CACNA2D4: variants seen among roughly 807,000 people sequenced by gnomAD.
The protein encoded by CACNA2D4 is voltage-dependent calcium channel subunit alpha-2/delta-4.
CACNA2D4 carries 157 observed loss-of-function variants against 163.8 expected under a neutral mutation model. The observed-to-expected ratio is 0.96, with a 90% confidence interval of 0.84 to 1.09. CACNA2D4 has a LOEUF of 1.09. Among genes scored for constraint, CACNA2D4 ranks in the 50% least tolerant of loss-of-function variants. CACNA2D4 has a pLI of 0.00. For missense variants in CACNA2D4, 1,410 were observed against 1,479.9 expected (o/e 0.95, Z 0.78); for synonymous variants, 598 against 586.9 (o/e 1.02, Z -0.27).
chr12:1,799,845 G>T lies in CACNA2D4; in HGVS notation c.2975-150C>A. On this transcript the variant is annotated intron_variant, in intron 33 of 37. Coordinates refer to ENST00000382722, the MANE Select transcript of CACNA2D4 (RefSeq NM_172364.5). This position sits in a 1 kb window ranked among gnomAD's most constrained non-coding sequence, Gnocchi z 4.7. ...ACACACAGAGCCAGGAGTGAGGGAT[G>T]TGATGAGAGAAGGCCACGCAGGGTG... The T allele has an allele frequency of 7.8e-7, 1 of 1,283,088 alleles. No individual in the cohort carries two copies. Among genetic ancestry groups the T allele is most frequent in the African/African-American group, 1.5e-5 (1 of 67,904 alleles). 79.5% of individuals were successfully genotyped at this position (1,283,088 alleles called of 1,614,324 possible).
rs892638014 is a variant in CACNA2D4, at chr12:1,907,677, A to G, written c.650-106T>C. On this transcript the variant is annotated intron_variant, in intron 5 of 37. Transcript: ENST00000382722. ...GGCGTGTCTGGTGGGCGTGTCTGGTAAGCGTGCCTGGTGGGTGTGCCTGGT... is the reference window on the plus strand; with the variant it reads ...GGCGTGTCTGGTGGGCGTGTCTGGTGAGCGTGCCTGGTGGGTGTGCCTGGT... 150 of 1,092,604 alleles carry G rather than the reference A, an allele frequency of 1.4e-4. 2 individuals carry two copies. The highest frequency in any genetic ancestry group is 4.7e-5 in the Admixed American group (2 of 42,242). The allele number at this position is 1,092,604 out of a possible 1,614,324, so 67.7% of individuals were successfully genotyped here.
chr12:1,907,507 G>A lies in CACNA2D4; in HGVS notation c.714C>T (p.Phe238=). Residue 238 remains phenylalanine (F), a synonymous_variant, in exon 6 of 38, where the codon TTC becomes TTT. Coordinates refer to ENST00000382722, the MANE Select transcript of CACNA2D4 (RefSeq NM_172364.5). ...EALNAVFVEN[F]QRDPTLTWQY... Reference sequence around the variant, plus strand: ...GCCAGGTCAACGTTGGGTCTCTCTGGAAGTTCTCCACGAAGACAGCATTCA... The same window carrying A: ...GCCAGGTCAACGTTGGGTCTCTCTGAAAGTTCTCCACGAAGACAGCATTCA... The A allele has an allele frequency of 6.2e-7, 1 of 1,613,836 alleles. No homozygotes were observed. The highest frequency in any genetic ancestry group is 1.7e-4 in the Middle Eastern group (1 of 6,060).
intron 6 of CACNA2D4, among the ~76,000 whole-genome samples, chr12:1,902,786 T>A (rs893014278): frequency 6.6e-6 from 1 of 151,964 alleles, no homozygotes. Flanking sequence ...ATGTCCATAC[T>A]ACCCAAAGCA....
intron 22 of CACNA2D4, among the ~76,000 whole-genome samples, chr12:1,854,299 C>G (rs1592712724): frequency 6.6e-6 from 1 of 152,216 alleles, no homozygotes; most frequent in East Asian, 1.9e-4. Flanking sequence ...CTTAGGAGAC[C>G]CTCAGTGACC....
intron 29 of CACNA2D4, 140 bp downstream of exon 29, chr12:1,810,138 C>T (rs556479017): frequency 2.9e-6 from 2 of 681,708 alleles, no homozygotes; most frequent in East Asian, 2.7e-5. Context: ...ACACCATGTT[C>T]TTCAGACCTT....
At chr12:1,902,445 A>G (rs186909587) in intron 6 of CACNA2D4, among the ~76,000 whole-genome samples, 1 of 152,216 alleles carries the variant, frequency 6.6e-6, no homozygotes, top group East Asian at 1.9e-4. Context: ...TGCAGATAAT[A>G]TGATCTTATA....
chr12:1,873,801 G>T (rs1465602027), intron 18 of CACNA2D4, among the ~76,000 whole-genome samples: 5 of 152,234 alleles, frequency 3.3e-5, no homozygotes. Context: ...AAGCCAGGCA[G>T]ATGCCACCAA....
At chr12:1,911,405 G>T (rs1192432016) in intron 3 of CACNA2D4, among the ~76,000 whole-genome samples, 1 of 151,984 alleles carries the variant, frequency 6.6e-6, no homozygotes, top group Non-Finnish European at 1.5e-5. Flanking sequence ...GGAGTCAGAG[G>T]ACCCAAGATC....
chr12:1,910,980 A>C (rs1866799312), intron 3 of CACNA2D4, among the ~76,000 whole-genome samples: 1 of 151,896 alleles, frequency 6.6e-6, no homozygotes, highest in Admixed American at 6.6e-5. Context: ...TATACACTTT[A>C]AATGGTCAAC....
rs1306493879 is a variant in CACNA2D4, at chr12:1,914,915, G to A, written c.248C>T (p.Thr83Ile). Reference sequence around the variant, plus strand: ...AGTGTTATACAGGTCCCCGCCGAAGGTGTCAGCCCATAGCTTCACTCTGCC... The same window carrying A: ...AGTGTTATACAGGTCCCCGCCGAAGATGTCAGCCCATAGCTTCACTCTGCC... ...PLETVKLWAD[T>I]FGGDLYNTVT... is the part of the protein sequence containing the mutation. The change falls in exon 2 of 38, where the codon ACC becomes ATC. Residue 83 changes from threonine (T) to isoleucine (I), a missense_variant. Coordinates refer to ENST00000382722, the MANE Select transcript of CACNA2D4 (RefSeq NM_172364.5). 6.2e-7 allele frequency: 1 copy of A among 1,613,460 alleles called. No homozygotes were observed. Among genetic ancestry groups the A allele is most frequent in the Non-Finnish European group, 8.5e-7 (1 of 1,179,540 alleles).
At position 1,828,032 on chromosome 12, in the gene CACNA2D4, G is replaced by C. The variant is rs1278106772; in HGVS notation, c.2551+12707C>G. 3 of 935,584 alleles carry C rather than the reference G, an allele frequency of 3.2e-6. No individual in the cohort carries two copies. Among genetic ancestry groups the C allele is most frequent in the African/African-American group, 3.4e-5 (2 of 58,498 alleles). 58.0% of individuals were successfully genotyped at this position (935,584 alleles called of 1,614,324 possible). On this transcript the variant is annotated intron_variant, in intron 26 of 37. Transcript: ENST00000382722. This position sits in a 1 kb window ranked among gnomAD's most constrained non-coding sequence, Gnocchi z 4.2. ...TCTCCCTAACCCCTGGGCTGGAACG[G>C]GGCTCCCGCGCCTGCCTGTGCTCAG...
At chr12:1,862,195 A>G (rs1184220668) in intron 18 of CACNA2D4, among the ~76,000 whole-genome samples, 1 of 152,220 alleles carries the variant, frequency 6.6e-6, no homozygotes, top group African/African-American at 2.4e-5. Context: ...TACCATAAAT[A>G]TCCTGGGACA....
rs1262918260 is a variant in CACNA2D4 at position 1,840,727 on chromosome 12, G to A, written c.2551+12C>T. 3.7e-6 allele frequency: 6 copies of A among 1,611,076 alleles called. No individual in the cohort carries two copies. Among genetic ancestry groups the A allele is most frequent in the Non-Finnish European group, 5.1e-6 (6 of 1,177,602 alleles). On this transcript the variant is annotated intron_variant, in intron 26 of 37. Transcript: ENST00000382722. ...AGCTTCCTGGCCTCAACACCACAAG[G>A]GCCGTTCCTACCTGCAGCAATGGCT...
At chr12:1,892,203 A>T in intron 6 of CACNA2D4, among the ~76,000 whole-genome samples, 1 of 152,378 alleles carries the variant, frequency 6.6e-6, no homozygotes, top group Admixed American at 6.5e-5. Flanking sequence ...CCATGAGACT[A>T]GCAATGGATT....
intron 6 of CACNA2D4, among the ~76,000 whole-genome samples, chr12:1,903,323 A>G (rs1456771738): frequency 6.6e-6 from 1 of 152,122 alleles, no homozygotes; most frequent in Non-Finnish European, 1.5e-5. Context: ...TTCCTGAGTA[A>G]TACCCCATGA....
rs138452622 is a variant in CACNA2D4 at position 1,873,691 on chromosome 12, C to G, written c.1878+913G>C. ...GGTGCCTGTGGAAGAAGCCTCTGTT[C>G]TTTTGGATCAGGAGAAGGAACAGCT... On this transcript the variant is annotated intron_variant, in intron 18 of 37. Transcript: ENST00000382722. Among the ~76,000 whole-genome samples, 8 of 152,278 alleles carry G rather than the reference C, an allele frequency of 5.3e-5. No individual in the cohort carries two copies. The East Asian group carries it at 1.5e-3, about 29-fold the overall frequency.
intron 31 of CACNA2D4, 53 bp from the exon 32 acceptor site, chr12:1,800,491 C>CT: frequency 1.8e-6 from 2 of 1,111,518 alleles, no homozygotes; most frequent in South Asian, 1.6e-5. Flanking sequence ...GGTGAGGGTG[C>CT]CCCCCCCCCA....
chr12:1,821,020 G>A (rs1353749834), intron 26 of CACNA2D4, among the ~76,000 whole-genome samples: 1 of 152,252 alleles, frequency 6.6e-6, no homozygotes, highest in Non-Finnish European at 1.5e-5. Flanking sequence ...GGAACTCTGA[G>A]CCCACAGTGC....
chr12:1,811,270 C>A (rs139058874), intron 27 of CACNA2D4, among the ~76,000 whole-genome samples: 1 of 152,304 alleles, frequency 6.6e-6, no homozygotes, highest in African/African-American at 2.4e-5. Context: ...GTAGAACGGA[C>A]AGGACGAGGC....
Sources: allele counts gnomAD v4.1 joint callset (sites outside exome capture counted in the v4.1 genomes callset), GRCh38; gene constraint gnomAD v4.1.1; non-coding constraint Gnocchi (gnomAD v3.1); transcripts MANE v1.5; gene names NCBI Gene and HGNC (gene_info 2026-07-23, HGNC 2026-07-21).